Variants in TSC22D4 observed in about 807,000 individuals in gnomAD.
TSC22D4 encodes the protein TSC22 domain family protein 4.
TSC22D4 carries 5 observed loss-of-function variants against 24.9 expected under a neutral mutation model. The ratio of observed to expected loss-of-function variants is 0.20; its 90% CI spans 0.10 to 0.42. The LOEUF is 0.42. Among genes scored for constraint, TSC22D4 ranks in the 10% least tolerant of loss-of-function variants. TSC22D4 has a pLI of 1.00. For synonymous variants in TSC22D4, 245 were observed against 243.2 expected (o/e 1.01, Z -0.07); for missense variants, 469 against 547.9 (o/e 0.86, Z 1.44).
intron 1 of TSC22D4, among the ~76,000 whole-genome samples, 157 bp downstream of exon 1, chr7:100,478,637 C>CT (rs1215539180): frequency 6.6e-6 from 1 of 152,132 alleles, no homozygotes; most frequent in Non-Finnish European, 1.5e-5. Flanking sequence ...ACTCCAGGGC[C>CT]TGGGAGAACC....
At chr7:100,478,472 A>G (rs1799560719) in intron 1 of TSC22D4, among the ~76,000 whole-genome samples, 165 bp from the exon 2 acceptor site, 1 of 151,656 alleles carries the variant, frequency 6.6e-6, no homozygotes, top group South Asian at 2.1e-4. Context: ...AAACCGTCAG[A>G]GACCCAGAGA....
Position 100,479,143 on chromosome 7 carries a change from G to A in TSC22D4, c.-619C>T, listed in dbSNP as rs1349259037. ...GTCTCCTCCCGCGTGACCCTGCTGG[G>A]TCCGTGTCTCCGCTCCTCGGCTCCC... is the stretch of plus-strand genomic sequence containing the variant. On this transcript the variant is annotated 5_prime_UTR_variant, in exon 1 of 5. Transcript: ENST00000300181. 6.6e-6 allele frequency: 1 copy of A among 152,538 alleles called. No homozygotes were observed. The highest frequency in any genetic ancestry group is 2.4e-5 in the African/African-American group (1 of 41,452). The allele number at this position is 152,538 out of a possible 1,614,324, so 9.4% of individuals were successfully genotyped here. A position where few individuals can be genotyped will look rare whatever the true frequency, so the allele number is the denominator to read the frequency against.
Position 100,479,019 on chromosome 7 carries a change from G to A in TSC22D4, c.-495C>T, listed in dbSNP as rs1036956519. ...CCCGCGCCTCCTCCGAGGAGCCTAG[G>A]AGCGGCCTCTGAAGCCCCAAGGGTC... On this transcript the variant is annotated 5_prime_UTR_variant, in exon 1 of 5. Coordinates refer to ENST00000300181, the MANE Select transcript of TSC22D4 (RefSeq NM_030935.5). 2 of 152,186 alleles carry A rather than the reference G, an allele frequency of 1.3e-5. No homozygotes were observed. The highest frequency in any genetic ancestry group is 4.8e-5 in the African/African-American group (2 of 41,434). The allele number at this position is 152,186 out of a possible 1,614,324, so 9.4% of individuals were successfully genotyped here.
Position 100,466,846 on chromosome 7 carries a change from C to G in TSC22D4, c.*113G>C. 1 of 1,076,576 alleles carries G rather than the reference C, an allele frequency of 9.3e-7. No homozygotes were observed. The highest frequency in any genetic ancestry group is 1.3e-6 in the Non-Finnish European group (1 of 758,130). 66.7% of individuals were successfully genotyped at this position (1,076,576 alleles called of 1,614,324 possible). A position where few individuals can be genotyped will look rare whatever the true frequency, so the allele number is the denominator to read the frequency against. On this transcript the variant is annotated 3_prime_UTR_variant, in exon 5 of 5. Coordinates refer to ENST00000300181, the MANE Select transcript of TSC22D4 (RefSeq NM_030935.5). The stretch of plus-strand genomic sequence containing the variant: ...GCCGGGGGACCAGGCCATTACTGAG[C>G]CTTGAACTCCCACCCCGGGGACACG...
At position 100,477,309 on chromosome 7, in the gene TSC22D4, T is replaced by A; in HGVS notation, c.730A>T (p.Met244Leu). 6.6e-7 allele frequency: 1 copy of A among 1,522,774 alleles called. No individual in the cohort carries two copies. The highest frequency in any genetic ancestry group is 8.8e-7 in the Non-Finnish European group (1 of 1,136,382). 94.3% of individuals were successfully genotyped at this position (1,522,774 alleles called of 1,614,324 possible). A position where few individuals can be genotyped will look rare whatever the true frequency, so the allele number is the denominator to read the frequency against. Reference sequence around the variant, plus strand: ...ATCTCTTCTGGAGCACCCAACTCCATCCGCAGCCGCATGTCTACAGCTTTC... The same window carrying A: ...ATCTCTTCTGGAGCACCCAACTCCAACCGCAGCCGCATGTCTACAGCTTTC... Reference protein sequence around the residue: ...RRKAVDMRLRMELGAPEEMGQ... With the variant: ...RRKAVDMRLRLELGAPEEMGQ... Residue 244 changes from methionine (M) to leucine (L), a missense_variant, in exon 2 of 5, where the codon ATG (methionine) becomes TTG (leucine). Coordinates refer to ENST00000300181, the MANE Select transcript of TSC22D4 (RefSeq NM_030935.5). This position sits in a 1 kb window ranked among gnomAD's most constrained non-coding sequence, Gnocchi z 7.8.
At chr7:100,468,497 C>T (rs1238402618) in intron 3 of TSC22D4, among the ~76,000 whole-genome samples, 3 of 152,134 alleles carry the variant, frequency 2.0e-5, no homozygotes, top group Non-Finnish European at 2.9e-5. Context: ...AGATCATGAG[C>T]GCTCTCCCAC....
At chr7:100,472,015 G>A (rs909584501) in intron 3 of TSC22D4, among the ~76,000 whole-genome samples, 3 of 151,614 alleles carry the variant, frequency 2.0e-5, no homozygotes, top group East Asian at 1.9e-4. Context: ...CCTGCCTGCC[G>A]GGAGGGGACA....
In TSC22D4 at chr7:100,474,250, C is replaced by T; in HGVS notation, c.929+24G>A. 1.2e-6 allele frequency: 2 copies of T among 1,610,696 alleles called. No homozygotes were observed. Among genetic ancestry groups the T allele is most frequent in the Non-Finnish European group, 1.7e-6 (2 of 1,177,402 alleles). On this transcript the variant is annotated intron_variant, in intron 3 of 4. Transcript: ENST00000300181. This position sits in a 1 kb window ranked among gnomAD's most constrained non-coding sequence, Gnocchi z 4.3. ...GGCGGGGAACCTGAACCCCACGCCC[C>T]ACCACCCCACGAAGCCCACCTACCT...
intron 3 of TSC22D4, among the ~76,000 whole-genome samples, chr7:100,471,672 A>C (rs1327921029): frequency 6.6e-6 from 1 of 152,128 alleles, no homozygotes; most frequent in Non-Finnish European, 1.5e-5. Flanking sequence ...CCTGGGAGGC[A>C]GAGGTTGCAG....
chr7:100,475,682 G>C (rs1052458923), intron 2 of TSC22D4, among the ~76,000 whole-genome samples: 2 of 151,770 alleles, frequency 1.3e-5, no homozygotes, highest in Admixed American at 1.3e-4. Context: ...GTTGGGGGGG[G>C]AGCTGGTTGT....
At position 100,466,690 on chromosome 7, in the gene TSC22D4, G is replaced by C; in HGVS notation, c.*269C>G. 6.0e-6 allele frequency: 3 copies of C among 498,984 alleles called. No homozygotes were observed. The South Asian group carries it at 9.3e-5, about 15-fold the overall frequency. The allele number at this position is 498,984 out of a possible 1,614,324, so 30.9% of individuals were successfully genotyped here. ...GGGGAGCCTCCGACTCCCCCAAGCC[G>C]TCTACTGCTGGGGGGTCCCAGGAGG... On this transcript the variant is annotated 3_prime_UTR_variant, in exon 5 of 5. Coordinates refer to ENST00000300181, the MANE Select transcript of TSC22D4 (RefSeq NM_030935.5).
chr7:100,473,322 C>G (rs1377698726), intron 3 of TSC22D4, among the ~76,000 whole-genome samples: 2 of 152,150 alleles, frequency 1.3e-5, no homozygotes, highest in African/African-American at 4.8e-5. Context: ...TAAAGTAGAC[C>G]CTGTGGGCTA....
At chr7:100,472,982 C>T (rs979676944) in intron 3 of TSC22D4, among the ~76,000 whole-genome samples, 4 of 152,112 alleles carry the variant, frequency 2.6e-5, no homozygotes, top group South Asian at 2.1e-4. Context: ...AAACCTCCCA[C>T]GGGAAGTCCC....
At chr7:100,473,344 C>T (rs564151051) in intron 3 of TSC22D4, among the ~76,000 whole-genome samples, 9 of 152,252 alleles carry the variant, frequency 5.9e-5, no homozygotes, top group South Asian at 2.1e-4. Context: ...CAGGATGTCA[C>T]GCTCCACAGG....
At chr7:100,467,283 G>T in intron 4 of TSC22D4, 115 bp from the exon 5 acceptor site, 5 of 1,157,900 alleles carry the variant, frequency 4.3e-6, no homozygotes, top group Non-Finnish European at 6.5e-6. Flanking sequence ...GAGGGACAAA[G>T]CAGGGAAGGG....
At position 100,477,996 on chromosome 7, in the gene TSC22D4, C is replaced by T. The variant is rs201389400; in HGVS notation, c.43G>A (p.Val15Ile). 282 of 1,589,130 alleles carry T rather than the reference C, an allele frequency of 1.8e-4. 1 individual carries two copies. Among genetic ancestry groups the T allele is most frequent in the South Asian group, 1.4e-3 (121 of 87,060 alleles). The change falls in exon 2 of 5, where the codon GTC (valine) becomes ATC (isoleucine). Residue 15 changes from valine (V) to isoleucine (I), a missense_variant. Transcript: ENST00000300181. This position sits in a 1 kb window ranked among gnomAD's most constrained non-coding sequence, Gnocchi z 7.8. ...KKKSSFQITS[V>I]TTDYEGPGSP... The stretch of plus-strand genomic sequence containing the variant: ...CCAGGGCCCTCATAGTCCGTGGTGA[C>T]GCTGGTGATTTGGAAACTACTCTTC...
chr7:100,468,693 T>C (rs1799335829), intron 3 of TSC22D4, among the ~76,000 whole-genome samples: 1 of 152,056 alleles, frequency 6.6e-6, no homozygotes, highest in Admixed American at 6.6e-5. Flanking sequence ...TCCCAGCACT[T>C]TGGGAGGCCA....
At chr7:100,469,389 G>T (rs1390774283) in intron 3 of TSC22D4, among the ~76,000 whole-genome samples, 1 of 152,092 alleles carries the variant, frequency 6.6e-6, no homozygotes, top group African/African-American at 2.4e-5. Flanking sequence ...GGGTGACAGG[G>T]TCTGGCTGCA....
In TSC22D4 at chr7:100,477,814, CA is replaced by C; in HGVS notation, c.224del (p.Val75GlyfsTer142). 2 of 1,607,150 alleles carry C rather than the reference CA, an allele frequency of 1.2e-6. No homozygotes were observed. Among genetic ancestry groups the C allele is most frequent in the Non-Finnish European group, 1.7e-6 (2 of 1,179,240 alleles). On this transcript the variant is annotated frameshift_variant, in exon 2 of 5. Transcript: ENST00000300181. LOFTEE classifies it high-confidence loss of function. The surrounding 1 kb of genome is among the most constrained non-coding windows in gnomAD (Gnocchi z 7.8). ...GCTCTCCCAGGCCGTGGGGCAGCTT[CA>C]CCACCCGGAAACGGGAGGAAGGGGC... ...PGAPSSRFRVVKLPHGLGEPY... is the reference protein window; with the variant it reads ...PGAPSSRFRVXKLPHGLGEPY...
Sources: allele counts gnomAD v4.1 joint callset (sites outside exome capture counted in the v4.1 genomes callset), GRCh38; gene constraint gnomAD v4.1.1; non-coding constraint Gnocchi (gnomAD v3.1); transcripts MANE v1.5; gene names NCBI Gene and HGNC (gene_info 2026-07-23, HGNC 2026-07-21).